Variants in PATL2 observed in about 807,000 individuals in gnomAD.
PATL2 encodes PAT1 homolog 2.
Under a neutral mutation model 77.0 loss-of-function variants are expected in PATL2, and 73 were observed. That is an observed-to-expected ratio of 0.95 (90% CI 0.78 to 1.15). PATL2 has a LOEUF of 1.15. Ranked by LOEUF, PATL2 falls within the 50% of genes most tolerant of loss-of-function variation. The pLI, the probability that PATL2 is intolerant of heterozygous loss-of-function variation, is 0.00. For missense variants in PATL2, 618 were observed against 655.4 expected (o/e 0.94, Z 0.62); for synonymous variants, 265 against 257.1 (o/e 1.03, Z -0.29).
At chr15:44,676,896 G>A (rs746257811) in intron 3 of PATL2, 165 of 1,058,456 alleles carry the variant, frequency 1.6e-4, no homozygotes, top group Non-Finnish European at 1.8e-4. Context: ...TTCTGTTTAA[G>A]TTATTCATAG....
At chr15:44,681,646 G>A (rs1451972630) in intron 3 of PATL2, among the ~76,000 whole-genome samples, 1 of 152,178 alleles carries the variant, frequency 6.6e-6, no homozygotes, top group African/African-American at 2.4e-5. Context: ...TTTCTGGAAA[G>A]AGCATCTGTA....
At position 44,668,492 on chromosome 15, in the gene PATL2, G is replaced by T; in HGVS notation, c.1225-10C>A. ...ATAACATTTGTAGGGCCTGCAAGAAGATCAGTAAGCACCTCCCAAATTCCA... is the reference window on the plus strand; with the variant it reads ...ATAACATTTGTAGGGCCTGCAAGAATATCAGTAAGCACCTCCCAAATTCCA... On this transcript the variant is annotated splice_polypyrimidine_tract_variant and intron_variant, in intron 14 of 17. Transcript: ENST00000682850. 6.5e-7 allele frequency: 1 copy of T among 1,549,392 alleles called. No homozygotes were observed. The highest frequency in any genetic ancestry group is 8.7e-7 in the Non-Finnish European group (1 of 1,146,220).
intron 3 of PATL2, among the ~76,000 whole-genome samples, chr15:44,690,108 GA>G (rs2141244493): frequency 6.6e-6 from 1 of 152,220 alleles, no homozygotes; most frequent in Admixed American, 6.5e-5. Flanking sequence ...AGAATCGCTT[GA>G]ACATGGGAGG....
At position 44,674,205 on chromosome 15, in the gene PATL2, ACT is replaced by A. The variant is rs780030386; in HGVS notation, c.246_247del (p.Val83GlnfsTer64). 3 of 1,550,204 alleles carry A rather than the reference ACT, an allele frequency of 1.9e-6. No individual in the cohort carries two copies. The highest frequency in any genetic ancestry group is 2.6e-6 in the Non-Finnish European group (3 of 1,145,946). ...CATTCCCAGCATACCAGGGGCCTTG[ACT>A]CCAGGGGAGCTAAGCAGAGCTCTCT... is the stretch of plus-strand genomic sequence containing the variant. On this transcript the variant is annotated frameshift_variant, in exon 6 of 18. Transcript: ENST00000682850. LOFTEE classifies it high-confidence loss of function.
In PATL2 at chr15:44,672,131, G is replaced by A. The variant is rs1233351617; in HGVS notation, c.541C>T (p.Gln181Ter). ...PSPPAKKPWS[Q>*]QPDPYANLMT... The stretch of plus-strand genomic sequence containing the variant: ...AGGTTAGCATAGGGGTCTGGCTGCT[G>A]AGACCAAGGCTTCTTGGCTGGGGGA... The change falls in exon 9 of 18, where the codon CAG (glutamine) becomes TAG (stop). Residue 181 changes from glutamine to a stop codon, truncating the protein, a stop_gained. Coordinates refer to ENST00000682850, the MANE Select transcript of PATL2 (RefSeq NM_001387263.1). LOFTEE classifies it high-confidence loss of function. The A allele has an allele frequency of 1.3e-6, 2 of 1,551,590 alleles. No homozygotes were observed. Among genetic ancestry groups the A allele is most frequent in the African/African-American group, 1.4e-5 (1 of 73,050 alleles).
chr15:44,711,201 G>C lies in PATL2; in HGVS notation c.-435C>G. The stretch of plus-strand genomic sequence containing the variant: ...TTAGCAAGTCACTTAGCATCTCTGG[G>C]GCCAGTCTGCAAAGCGAGGGGGCAG... On this transcript the variant is annotated 5_prime_UTR_variant, in exon 1 of 18. Coordinates refer to ENST00000682850, the MANE Select transcript of PATL2 (RefSeq NM_001387263.1). 1 of 488,482 alleles carries C rather than the reference G, an allele frequency of 2.0e-6. No individual in the cohort carries two copies. Among genetic ancestry groups the C allele is most frequent in the Non-Finnish European group, 3.8e-6 (1 of 265,866 alleles). The allele number at this position is 488,482 out of a possible 1,614,324, so 30.3% of individuals were successfully genotyped here.
chr15:44,690,730 T>C (rs183428992), intron 3 of PATL2, among the ~76,000 whole-genome samples: 69 of 152,232 alleles, frequency 4.5e-4, no homozygotes, highest in African/African-American at 1.6e-3. Context: ...ATGTTAAGAG[T>C]TCAGAAAAAG....
intron 3 of PATL2, among the ~76,000 whole-genome samples, chr15:44,708,246 A>G (rs1233378625): frequency 6.6e-6 from 1 of 152,080 alleles, no homozygotes; most frequent in Non-Finnish European, 1.5e-5. Flanking sequence ...TTTTGTGTGG[A>G]TCATTATTCA....
chr15:44,668,923 G>A (rs1240898917), intron 14 of PATL2, 57 bp downstream of exon 14: 1 of 1,450,886 alleles, frequency 6.9e-7, no homozygotes, highest in Non-Finnish European at 9.2e-7. Context: ...TGGAGGGGAG[G>A]AATGACCCCT....
chr15:44,681,995 C>T (rs2086144607), intron 3 of PATL2, among the ~76,000 whole-genome samples: 1 of 152,170 alleles, frequency 6.6e-6, no homozygotes, highest in Non-Finnish European at 1.5e-5. Flanking sequence ...CGCTGTGCAC[C>T]AGGTTGTCCC....
At chr15:44,695,142 T>C (rs943405228) in intron 3 of PATL2, among the ~76,000 whole-genome samples, 2 of 151,568 alleles carry the variant, frequency 1.3e-5, no homozygotes, top group African/African-American at 4.9e-5. Context: ...GAGCCGAAGA[T>C]TGCACCATTG....
intron 3 of PATL2, among the ~76,000 whole-genome samples, chr15:44,679,427 C>T (rs1009971454): frequency 6.6e-6 from 1 of 151,952 alleles, no homozygotes; most frequent in Non-Finnish European, 1.5e-5. Flanking sequence ...GGGGTTTCAC[C>T]ATGTTGGCCA....
chr15:44,673,411 C>T, intron 6 of PATL2, 34 bp from the exon 7 acceptor site: 1 of 1,549,512 alleles, frequency 6.5e-7, no homozygotes, highest in Non-Finnish European at 8.7e-7. Flanking sequence ...GGGAGAACGC[C>T]ATCTCCACCA....
At chr15:44,668,675 T>C (rs1034802800) in intron 14 of PATL2, among the ~76,000 whole-genome samples, 193 bp from the exon 15 acceptor site, 3 of 152,154 alleles carry the variant, frequency 2.0e-5, no homozygotes, top group Non-Finnish European at 4.4e-5. Context: ...TAGGAATCCT[T>C]CTCTAAGAAA....
chr15:44,671,014 G>A (rs1425296520), intron 9 of PATL2, among the ~76,000 whole-genome samples: 1 of 152,190 alleles, frequency 6.6e-6, no homozygotes, highest in South Asian at 2.1e-4. Context: ...TTTGAAAAAG[G>A]CTCTTTTGTT....
chr15:44,677,127 G>A (rs570586464), intron 3 of PATL2, among the ~76,000 whole-genome samples: 8 of 152,276 alleles, frequency 5.3e-5, no homozygotes, highest in Middle Eastern at 3.4e-3. Flanking sequence ...GATATTTGGG[G>A]GCAGATAGTT....
At chr15:44,702,611 T>A (rs2086652995) in intron 3 of PATL2, among the ~76,000 whole-genome samples, 1 of 151,994 alleles carries the variant, frequency 6.6e-6, no homozygotes, top group Non-Finnish European at 1.5e-5. Flanking sequence ...TTTTTCTTTT[T>A]TAATGTAGGT....
chr15:44,669,441 G>A (rs1348097251), intron 12 of PATL2, 28 bp from the exon 13 acceptor site: 3 of 1,548,366 alleles, frequency 1.9e-6, no homozygotes, highest in Non-Finnish European at 2.6e-6. Context: ...GAAAAAAGAG[G>A]TAAATTTGGG....
intron 12 of PATL2, 39 bp downstream of exon 12, chr15:44,669,471 G>A: frequency 1.3e-6 from 2 of 1,549,272 alleles, no homozygotes; most frequent in Non-Finnish European, 1.7e-6. Flanking sequence ...ATTCTCAAAG[G>A]TAGGTTTGGA....
Sources: allele counts gnomAD v4.1 joint callset (sites outside exome capture counted in the v4.1 genomes callset), GRCh38; gene constraint gnomAD v4.1.1; transcripts MANE v1.5; gene names NCBI Gene and HGNC (gene_info 2026-07-23, HGNC 2026-07-21).